NIPBL: variants seen among roughly 807,000 people sequenced by gnomAD.
NIPBL encodes the protein nipped-B-like protein.
Under a neutral mutation model 321.8 loss-of-function variants are expected in NIPBL, and 19 were observed. The observed-to-expected ratio is 0.06, with a 90% CI of 0.04 to 0.09. The LOEUF (loss-of-function observed/expected upper bound fraction) is 0.09. NIPBL is among the 10% of genes least tolerant of loss of function. The pLI is 1.00. For missense variants in NIPBL, 2,210 were observed against 3,327.0 expected (o/e 0.66, Z 8.26); for synonymous variants, 1,106 against 1,114.1 (o/e 0.99, Z 0.14).
At chr5:36,994,768 G>C (rs1745940554) in intron 10 of NIPBL, among the ~76,000 whole-genome samples, 1 of 152,056 alleles carries the variant, frequency 6.6e-6, no homozygotes, top group East Asian at 1.9e-4. Flanking sequence ...CAGGAAGATA[G>C]TCCCAGTTTA....
At chr5:36,976,699 T>C (rs1373638955) in intron 9 of NIPBL, among the ~76,000 whole-genome samples, 1 of 152,154 alleles carries the variant, frequency 6.6e-6, no homozygotes, top group African/African-American at 2.4e-5. Flanking sequence ...AGCATTTCTA[T>C]ATAACATGTA....
chr5:36,900,241 G>A (rs893884464), intron 1 of NIPBL, among the ~76,000 whole-genome samples: 1 of 152,126 alleles, frequency 6.6e-6, no homozygotes, highest in Non-Finnish European at 1.5e-5. Context: ...TTAAAGTGCA[G>A]TATAAAAACT....
chr5:37,012,002 T>TA (rs1285887843), intron 21 of NIPBL, among the ~76,000 whole-genome samples: 5 of 152,054 alleles, frequency 3.3e-5, no homozygotes, highest in African/African-American at 4.8e-5. Flanking sequence ...TACTTAAAAT[T>TA]ATGGTCATTG....
chr5:37,029,496 T>G (rs1459593273), intron 32 of NIPBL, among the ~76,000 whole-genome samples: 1 of 152,202 alleles, frequency 6.6e-6, no homozygotes, highest in Non-Finnish European at 1.5e-5. Context: ...TCTTTCCAGT[T>G]TGGGGTGTTA....
At chr5:36,887,579 T>G (rs908344640) in intron 1 of NIPBL, among the ~76,000 whole-genome samples, 3 of 152,342 alleles carry the variant, frequency 2.0e-5, no homozygotes, top group Non-Finnish European at 4.4e-5. Context: ...TGCTTATGTC[T>G]TTGACCTCCC....
chr5:36,885,751 T>C, intron 1 of NIPBL: 2 of 605,226 alleles, frequency 3.3e-6, no homozygotes, highest in Non-Finnish European at 6.2e-6. Flanking sequence ...ACGACATCCG[T>C]GGGCTCTGCA....
chr5:36,920,867 TTC>T lies in NIPBL; in HGVS notation c.-79-32746_-79-32745del. On this transcript the variant is annotated intron_variant, in intron 1 of 46. Transcript: ENST00000282516. The stretch of plus-strand genomic sequence containing the variant: ...AAGACTGCCTGGACCTACTCTCTCA[TTC>T]TCTCCTCTGTATTGCTGCTATAGTT... 1.3e-5 allele frequency among the ~76,000 whole-genome samples: 2 copies of T among 151,814 alleles called. 1 individual carries two copies. The highest frequency in any genetic ancestry group is 6.8e-3 in the Middle Eastern group (2 of 294).
chr5:37,013,164 G>A (rs1472031445), intron 21 of NIPBL, among the ~76,000 whole-genome samples: 37 of 150,414 alleles, frequency 2.5e-4, no homozygotes, highest in Non-Finnish European at 4.5e-4. Context: ...CTGGCCAGGC[G>A]GGGGGCTGAC....
chr5:36,944,469 A>G (rs962636951), intron 1 of NIPBL, among the ~76,000 whole-genome samples: 3 of 152,186 alleles, frequency 2.0e-5, no homozygotes, highest in Admixed American at 6.5e-5. Context: ...TCAAAAATCA[A>G]AGTAGCCAGA....
intron 1 of NIPBL, among the ~76,000 whole-genome samples, chr5:36,926,481 T>G (rs1419648454): frequency 6.6e-6 from 1 of 152,202 alleles, no homozygotes; most frequent in Non-Finnish European, 1.5e-5. Context: ...GTGTAGCATC[T>G]GCATACAGCA....
At chr5:36,877,997 G>A (rs1745223601) in intron 1 of NIPBL, among the ~76,000 whole-genome samples, 1 of 152,130 alleles carries the variant, frequency 6.6e-6, no homozygotes, top group Admixed American at 6.5e-5. Flanking sequence ...ATTTGTATGC[G>A]TTATGTAAGG....
Position 36,886,331 on chromosome 5 carries a change from A to T in NIPBL, c.-80+9153A>T. 9 of 692,958 alleles carry T rather than the reference A, an allele frequency of 1.3e-5. No homozygotes were observed. The South Asian group carries it at 1.3e-4, about 10-fold the overall frequency. 42.9% of individuals were successfully genotyped at this position (692,958 alleles called of 1,614,324 possible). On this transcript the variant is annotated intron_variant, in intron 1 of 46. Transcript: ENST00000282516. The stretch of plus-strand genomic sequence containing the variant: ...AACATCAAGGTCAAGCTGGAGGCTG[A>T]GAGCGCCACCTGCCACCGCCTGCTT...
intron 33 of NIPBL, among the ~76,000 whole-genome samples, chr5:37,037,158 C>T (rs1379783994): frequency 4.6e-5 from 7 of 151,242 alleles, no homozygotes; most frequent in Admixed American, 4.0e-4. Flanking sequence ...GAGGCCAAGG[C>T]GGGCAGATCA....
In NIPBL at chr5:36,962,284, T is replaced by C. The variant is rs574459512; in HGVS notation, c.610+10T>C. 1.2e-6 allele frequency: 2 copies of C among 1,614,034 alleles called. No homozygotes were observed. Among genetic ancestry groups the C allele is most frequent in the Non-Finnish European group, 1.7e-6 (2 of 1,179,902 alleles). ...CCACAGATGCAACAAGGTAAGAAAGTTGTTTGTAACTTCACTGGGAATGTC... is the reference window on the plus strand; with the variant it reads ...CCACAGATGCAACAAGGTAAGAAAGCTGTTTGTAACTTCACTGGGAATGTC... On this transcript the variant is annotated intron_variant, in intron 6 of 46. Transcript: ENST00000282516.
chr5:36,967,084 G>A (rs1039616300), intron 6 of NIPBL, among the ~76,000 whole-genome samples: 2 of 151,806 alleles, frequency 1.3e-5, no homozygotes, highest in Non-Finnish European at 2.9e-5. Context: ...TTAATATACC[G>A]AAATCTCATA....
rs367974509 is a variant in NIPBL, at chr5:36,893,471, A to C, written c.-80+16293A>C. ...TTTGTTTTTTGGCTTGAGAGGTAGC[A>C]TATCAGAATCACCTAGGGATTTTTT... On this transcript the variant is annotated intron_variant, in intron 1 of 46. Transcript: ENST00000282516. 6.8e-4 allele frequency among the ~76,000 whole-genome samples: 103 copies of C among 152,212 alleles called. 2 individuals are homozygous for C. In the South Asian group the frequency reaches 0.021, roughly 31 times the overall value.
intron 1 of NIPBL, among the ~76,000 whole-genome samples, chr5:36,943,462 T>A (rs554474206): frequency 6.6e-6 from 1 of 152,272 alleles, no homozygotes; most frequent in East Asian, 1.9e-4. Flanking sequence ...TCTCAAATTG[T>A]TACATAGATT....
At chr5:37,034,048 C>A (rs1751424728) in intron 32 of NIPBL, among the ~76,000 whole-genome samples, 2 of 151,448 alleles carry the variant, frequency 1.3e-5, no homozygotes, top group African/African-American at 4.9e-5. Context: ...TCCTACAAAA[C>A]CAGTGTAAGT....
Position 36,971,961 on chromosome 5 carries a change from C to T in NIPBL, c.788C>T (p.Thr263Ile). The change falls in exon 8 of 47, where the codon ACA becomes ATA. Residue 263 changes from threonine (T) to isoleucine (I), a missense_variant. Coordinates refer to ENST00000282516, the MANE Select transcript of NIPBL (RefSeq NM_133433.4). ...RLSSDDGDSS[T>I]MRNAASFPLR... ...TATTTTTAGGATGGAGATTCTTCAA[C>T]AATGAGGAATGCTGCATCTTTTCCC... 2.5e-6 allele frequency: 4 copies of T among 1,612,538 alleles called. No homozygotes were observed. Among genetic ancestry groups the T allele is most frequent in the Non-Finnish European group, 3.4e-6 (4 of 1,178,764 alleles).
Sources: allele counts gnomAD v4.1 joint callset (sites outside exome capture counted in the v4.1 genomes callset), GRCh38; gene constraint gnomAD v4.1.1; transcripts MANE v1.5; gene names NCBI Gene and HGNC (gene_info 2026-07-23, HGNC 2026-07-21).